WSCD2: variants seen among roughly 807,000 people sequenced by gnomAD.
WSCD2 encodes WSC domain sialate O sulfotransferase 2, also known as sialate:O-sulfotransferase 2.
In WSCD2, 28 loss-of-function variants were observed where a neutral mutation model predicts 55.7. That is an observed-to-expected ratio of 0.50 (90% CI 0.37 to 0.69). The LOEUF is 0.69. Among genes scored for constraint, WSCD2 ranks in the 30% least tolerant of loss-of-function variants. The pLI, the probability that WSCD2 is intolerant of heterozygous loss-of-function variation, is 0.00. For missense variants in WSCD2, 616 were observed against 762.1 expected (o/e 0.81, Z 2.26); for synonymous variants, 301 against 301.9 (o/e 1.00, Z 0.03).
chr12:108,220,679 G>A (rs1188133625), intron 4 of WSCD2, among the ~76,000 whole-genome samples: 1 of 152,028 alleles, frequency 6.6e-6, no homozygotes, highest in Non-Finnish European at 1.5e-5. Context: ...ACAGTTGTGT[G>A]CCACCACACA....
At position 108,180,814 on chromosome 12, in the gene WSCD2, T is replaced by C. The variant is rs551665827; in HGVS notation, c.-551-14468T>C. Among the ~76,000 whole-genome samples the C allele has an allele frequency of 1.2e-4, 18 of 152,324 alleles. No individual in the cohort carries two copies. In the East Asian group the frequency reaches 3.5e-3, roughly 29 times the overall value. Reference sequence around the variant, plus strand: ...TGCAGGGCTCCTTCTCCAAAAATTATGAAGAATTTCAAGACAGTGACAGCA... The same window carrying C: ...TGCAGGGCTCCTTCTCCAAAAATTACGAAGAATTTCAAGACAGTGACAGCA... On this transcript the variant is annotated intron_variant, in intron 1 of 8. Transcript: ENST00000547525.
Position 108,134,270 on chromosome 12 carries a change from C to T in WSCD2, c.-552+4344C>T, listed in dbSNP as rs575030430. The stretch of plus-strand genomic sequence containing the variant: ...TGTATCCATGCCCTTAGCCATAAGA[C>T]GTCACTGCTCTTCTCATTCAAGGAG... On this transcript the variant is annotated intron_variant, in intron 1 of 8. Coordinates refer to ENST00000547525, the MANE Select transcript of WSCD2 (RefSeq NM_014653.4). Among the ~76,000 whole-genome samples the T allele has an allele frequency of 5.9e-5, 9 of 152,194 alleles. No homozygotes were observed. The South Asian group carries it at 1.7e-3, about 28-fold the overall frequency.
rs754685922 is a variant in WSCD2 at position 108,210,959 on chromosome 12, G to A, written c.682+654G>A. 4.6e-5 allele frequency among the ~76,000 whole-genome samples: 7 copies of A among 152,252 alleles called. No homozygotes were observed. Among genetic ancestry groups the A allele is most frequent in the Non-Finnish European group, 1.0e-4 (7 of 68,050 alleles). On this transcript the variant is annotated intron_variant, in intron 4 of 8. Coordinates refer to ENST00000547525, the MANE Select transcript of WSCD2 (RefSeq NM_014653.4). The surrounding 1 kb of genome is among the most constrained non-coding windows in gnomAD (Gnocchi z 4.3). Reference sequence around the variant, plus strand: ...AAGGAGGGAGTGAATAAGAGGACAGGAGCTGGCTCCTTGTCTGAGGGCACT... The same window carrying A: ...AAGGAGGGAGTGAATAAGAGGACAGAAGCTGGCTCCTTGTCTGAGGGCACT...
rs780740295 is a variant in WSCD2, at chr12:108,232,720, G to A, written c.980-11G>A. On this transcript the variant is annotated splice_polypyrimidine_tract_variant and intron_variant, in intron 6 of 8. Transcript: ENST00000547525. The stretch of plus-strand genomic sequence containing the variant: ...TGGTGTTGACCTCTGTCCATGCTCC[G>A]CCCTTTTCAGACAACCGTTGCATGG... 19 of 1,605,792 alleles carry A rather than the reference G, an allele frequency of 1.2e-5. No individual in the cohort carries two copies. Among genetic ancestry groups the A allele is most frequent in the Non-Finnish European group, 1.4e-5 (17 of 1,175,386 alleles).
At chr12:108,205,033 G>A (rs536041201) in intron 2 of WSCD2, among the ~76,000 whole-genome samples, 1 of 152,312 alleles carries the variant, frequency 6.6e-6, no homozygotes, top group African/African-American at 2.4e-5. Context: ...TCATAGACCT[G>A]GATTTAAACA....
At chr12:108,209,749 C>T (rs1312027229) in intron 3 of WSCD2, among the ~76,000 whole-genome samples, 1 of 152,090 alleles carries the variant, frequency 6.6e-6, no homozygotes, top group Non-Finnish European at 1.5e-5. Flanking sequence ...AGACCCAGAT[C>T]CCCCTGCCCC....
chr12:108,194,220 C>A (rs1469821360), intron 1 of WSCD2, among the ~76,000 whole-genome samples: 1 of 152,162 alleles, frequency 6.6e-6, no homozygotes, highest in Non-Finnish European at 1.5e-5. Context: ...CTCAACCAGA[C>A]ATTCTGGTTG....
rs938352585 is a variant in WSCD2 at position 108,210,420 on chromosome 12, G to C, written c.682+115G>C. 1.5e-5 allele frequency: 20 copies of C among 1,364,742 alleles called. No homozygotes were observed. Among genetic ancestry groups the C allele is most frequent in the Admixed American group, 4.7e-5 (2 of 42,200 alleles). 84.5% of individuals were successfully genotyped at this position (1,364,742 alleles called of 1,614,324 possible). On this transcript the variant is annotated intron_variant, in intron 4 of 8. Coordinates refer to ENST00000547525, the MANE Select transcript of WSCD2 (RefSeq NM_014653.4). This position sits in a 1 kb window ranked among gnomAD's most constrained non-coding sequence, Gnocchi z 4.3. ...CTCCATGGCTCCCCATCACTCCAAG[G>C]CCACCACCGTCCTGCCCCTGCCTCA...
intron 1 of WSCD2, among the ~76,000 whole-genome samples, chr12:108,142,227 G>A (rs1445674473): frequency 2.0e-5 from 3 of 152,042 alleles, no homozygotes; most frequent in Non-Finnish European, 4.4e-5. Flanking sequence ...AATGGCACTG[G>A]GTAAATGCCA....
At chr12:108,239,862 T>A (rs574969737) in intron 7 of WSCD2, among the ~76,000 whole-genome samples, 1 of 152,150 alleles carries the variant, frequency 6.6e-6, no homozygotes, top group African/African-American at 2.4e-5. Flanking sequence ...TACAGGTGCA[T>A]GCCACCATGC....
chr12:108,244,328 A>G (rs1889947105), intron 8 of WSCD2, among the ~76,000 whole-genome samples: 2 of 152,196 alleles, frequency 1.3e-5, no homozygotes, highest in South Asian at 4.1e-4. Flanking sequence ...CAAGAGAGGA[A>G]GCATTGCCAT....
chr12:108,245,557 G>A (rs1272571528), intron 8 of WSCD2, among the ~76,000 whole-genome samples: 7 of 152,166 alleles, frequency 4.6e-5, no homozygotes, highest in Non-Finnish European at 1.0e-4. Flanking sequence ...CCCTCTTTCA[G>A]CAACCACTTG....
At chr12:108,202,333 G>A (rs1283614152) in intron 2 of WSCD2, among the ~76,000 whole-genome samples, 2 of 152,142 alleles carry the variant, frequency 1.3e-5, no homozygotes, top group Non-Finnish European at 2.9e-5. Flanking sequence ...ACATGCCTGT[G>A]TTTTCCAAAA....
At chr12:108,169,595 C>T (rs552767341) in intron 1 of WSCD2, among the ~76,000 whole-genome samples, 11 of 152,256 alleles carry the variant, frequency 7.2e-5, no homozygotes, top group African/African-American at 1.2e-4. Context: ...CTCTGCTTCC[C>T]GCCCACCCAG....
At chr12:108,177,223 A>G (rs902501242) in intron 1 of WSCD2, among the ~76,000 whole-genome samples, 5 of 152,088 alleles carry the variant, frequency 3.3e-5, no homozygotes, top group South Asian at 2.1e-4. Flanking sequence ...TGTGTAATAT[A>G]TATTATGTGT....
At chr12:108,243,812 C>T (rs1889919367) in intron 8 of WSCD2, among the ~76,000 whole-genome samples, 1 of 152,164 alleles carries the variant, frequency 6.6e-6, no homozygotes, top group African/African-American at 2.4e-5. Context: ...GAAGATCACC[C>T]TGTAAGAGCC....
intron 1 of WSCD2, among the ~76,000 whole-genome samples, chr12:108,170,286 T>C (rs1289044051): frequency 6.6e-6 from 1 of 152,110 alleles, no homozygotes; most frequent in African/African-American, 2.4e-5. Flanking sequence ...CTATGCAGTG[T>C]AGTCACTACA....
At chr12:108,153,183 A>C (rs554900490) in intron 1 of WSCD2, among the ~76,000 whole-genome samples, 19 of 152,382 alleles carry the variant, frequency 1.2e-4, no homozygotes, top group African/African-American at 4.6e-4. Context: ...TAAAGAAGTT[A>C]ACACAGAAAG....
chr12:108,156,728 A>T (rs1878549396), intron 1 of WSCD2, among the ~76,000 whole-genome samples: 1 of 152,192 alleles, frequency 6.6e-6, no homozygotes. Flanking sequence ...TGGAGTCTCT[A>T]CTGAGTTGTA....
Sources: allele counts gnomAD v4.1 joint callset (sites outside exome capture counted in the v4.1 genomes callset), GRCh38; gene constraint gnomAD v4.1.1; non-coding constraint Gnocchi (gnomAD v3.1); transcripts MANE v1.5; gene names NCBI Gene and HGNC (gene_info 2026-07-23, HGNC 2026-07-21).